The following RANBP2 variants were observed in gnomAD, a reference collection of about 807,000 sequenced individuals.
RANBP2 encodes E3 SUMO-protein ligase RanBP2.
Under a neutral mutation model 303.6 loss-of-function variants are expected in RANBP2, and 57 were observed. The ratio of observed to expected loss-of-function variants is 0.19; its 90% confidence interval spans 0.15 to 0.23. RANBP2 has a LOEUF of 0.23. Among genes scored for constraint, RANBP2 ranks in the 10% least tolerant of loss-of-function variants. The pLI is 1.00. For synonymous variants in RANBP2, 1,167 were observed against 1,301.5 expected (o/e 0.90, Z 2.23); for missense variants, 3,138 against 3,780.8 (o/e 0.83, Z 4.46).
the RANBP2 span, among the ~76,000 whole-genome samples, chr2:109,612,488 T>C: frequency 2.6e-5 from 4 of 152,234 alleles, no homozygotes; most frequent in African/African-American, 7.2e-5. Flanking sequence ...CTCACTATAC[T>C]GTATTATTTC....
the RANBP2 span, among the ~76,000 whole-genome samples, chr2:109,033,207 A>C: frequency 6.6e-6 from 1 of 152,144 alleles, no homozygotes; most frequent in Non-Finnish European, 1.5e-5. Flanking sequence ...GGCCCTGTCC[A>C]CTTTAATTTT....
the RANBP2 span, among the ~76,000 whole-genome samples, chr2:109,708,371 A>C: frequency 1.3e-5 from 2 of 151,798 alleles, no homozygotes; most frequent in Non-Finnish European, 2.9e-5. Flanking sequence ...AAAAAAACAA[A>C]ATAAGGCCGA....
the RANBP2 span, chr2:108,885,043 T>C: frequency 1.3e-5 from 2 of 152,256 alleles, no homozygotes; most frequent in African/African-American, 4.8e-5. Flanking sequence ...GAATTAATAC[T>C]GAGAGATGCT....
chr2:109,511,071 C>A, the RANBP2 span, among the ~76,000 whole-genome samples: 4 of 152,202 alleles, frequency 2.6e-5, no homozygotes, highest in Non-Finnish European at 5.9e-5. Flanking sequence ...GATGGGGAAA[C>A]TGAGGCAGAG....
the RANBP2 span, among the ~76,000 whole-genome samples, chr2:109,017,417 C>T: frequency 2.6e-5 from 4 of 152,146 alleles, no homozygotes; most frequent in Non-Finnish European, 4.4e-5. Context: ...AGAGAGCGAG[C>T]AAGTGGTGGA....
At chr2:109,116,356 C>T in the RANBP2 span, among the ~76,000 whole-genome samples, 1 of 152,138 alleles carries the variant, frequency 6.6e-6, no homozygotes, top group Non-Finnish European at 1.5e-5. Flanking sequence ...CTCTAAACTT[C>T]CCTTCTCACT....
At chr2:109,376,659 C>T in the RANBP2 span, among the ~76,000 whole-genome samples, 2 of 150,248 alleles carry the variant, frequency 1.3e-5, no homozygotes, top group South Asian at 4.4e-4. Flanking sequence ...CTGAAAAAGA[C>T]CCCCCAGAGA....
the RANBP2 span, among the ~76,000 whole-genome samples, chr2:109,022,355 A>G: frequency 1.3e-5 from 2 of 152,210 alleles, no homozygotes; most frequent in Admixed American, 6.5e-5. Context: ...GAGCAGTGTT[A>G]CTGTCCTCAG....
chr2:109,375,465 C>T, the RANBP2 span, among the ~76,000 whole-genome samples: 1 of 152,214 alleles, frequency 6.6e-6, no homozygotes, highest in African/African-American at 2.4e-5. Flanking sequence ...GGCCTGGCCT[C>T]TCACCCTCTG....
chr2:109,032,052 T>G, the RANBP2 span, among the ~76,000 whole-genome samples: 1 of 152,084 alleles, frequency 6.6e-6, no homozygotes, highest in Admixed American at 6.6e-5. Context: ...TAAACAGAAC[T>G]CTGCAGTTAT....
chr2:109,057,021 T>C, the RANBP2 span, among the ~76,000 whole-genome samples: 9 of 152,246 alleles, frequency 5.9e-5, no homozygotes, highest in African/African-American at 2.2e-4. Context: ...CTCTCATCTT[T>C]GATTAGAAAT....
the RANBP2 span, among the ~76,000 whole-genome samples, chr2:109,217,715 G>A: frequency 6.6e-6 from 1 of 152,184 alleles, no homozygotes; most frequent in Non-Finnish European, 1.5e-5. Context: ...GGGGGAGGGT[G>A]GGGTGTTGCC....
the RANBP2 span, among the ~76,000 whole-genome samples, chr2:109,730,302 C>T: frequency 6.6e-6 from 1 of 152,152 alleles, no homozygotes; most frequent in Non-Finnish European, 1.5e-5. Context: ...TGCTGATCTG[C>T]TTGTGCTTTC....
At chr2:108,882,548 CTT>C in the RANBP2 span, 1 of 152,228 alleles carries the variant, frequency 6.6e-6, no homozygotes, top group African/African-American at 2.4e-5. Flanking sequence ...ATCTCATTCT[CTT>C]GTTTGCCTGT....
the RANBP2 span, among the ~76,000 whole-genome samples, chr2:109,122,206 C>T: frequency 3.3e-5 from 5 of 152,266 alleles, no homozygotes; most frequent in Admixed American, 6.5e-5. Context: ...ATTTTCCACA[C>T]GGCTGTGGTT....
the RANBP2 span, among the ~76,000 whole-genome samples, chr2:109,494,617 G>A: frequency 0.26 from 38,779 of 152,050 alleles, 5,307 homozygotes; most frequent in East Asian, 0.5. Context: ...AGTCCCTGCA[G>A]TGGGGCCAGA....
At chr2:109,175,573 C>T in the RANBP2 span, among the ~76,000 whole-genome samples, 3 of 152,172 alleles carry the variant, frequency 2.0e-5, no homozygotes, top group Admixed American at 1.3e-4. Flanking sequence ...TGCTCAGGTG[C>T]AGGAGCTGCA....
chr2:109,472,326 C>T, the RANBP2 span, among the ~76,000 whole-genome samples: 1 of 152,026 alleles, frequency 6.6e-6, no homozygotes, highest in Non-Finnish European at 1.5e-5. Context: ...GGGCCCTCCT[C>T]ACCTGCACTC....
the RANBP2 span, among the ~76,000 whole-genome samples, chr2:108,817,813 A>G: frequency 6.6e-6 from 1 of 152,228 alleles, no homozygotes; most frequent in African/African-American, 2.4e-5. Context: ...GAAGTGTAAA[A>G]TAATGAATTT....
Sources: gnomAD v4.1 joint callset for allele counts (sites outside exome capture counted in the v4.1 genomes callset) on GRCh38, gnomAD v4.1.1 for gene constraint, MANE v1.5 for transcripts, NCBI Gene and HGNC (gene_info 2026-07-23, HGNC 2026-07-21) for gene names.